TENM4: variants seen among roughly 807,000 people sequenced by gnomAD.
TENM4 encodes teneurin transmembrane protein 4.
In TENM4, 82 loss-of-function variants were observed where a neutral mutation model predicts 243.3. The observed-to-expected ratio is 0.34, with a 90% CI of 0.28 to 0.40. TENM4 has a LOEUF of 0.40. Ranked by LOEUF, TENM4 falls within the 10% of genes least tolerant of loss-of-function variation. The pLI, the probability that TENM4 is intolerant of heterozygous loss-of-function variation, is 1.00. For missense variants in TENM4, 3,138 were observed against 3,673.3 expected, an observed-to-expected ratio of 0.85 and a Z score of 3.77; for synonymous variants, 1,412 against 1,456.3, an observed-to-expected ratio of 0.97 and a Z score of 0.69.
intron 3 of TENM4, among the ~76,000 whole-genome samples, chr11:79,211,398 CCA>C (rs1863952320): frequency 6.6e-6 from 1 of 152,110 alleles, no homozygotes; most frequent in African/African-American, 2.4e-5. Context: ...CCTTTTATAC[CCA>C]CAGTTTTCAA....
intron 12 of TENM4, among the ~76,000 whole-genome samples, chr11:78,819,758 T>A (rs912365493): frequency 6.6e-6 from 1 of 152,220 alleles, no homozygotes; most frequent in African/African-American, 2.4e-5. Context: ...TTGTGATATG[T>A]CCAGGCTAAT....
chr11:78,756,565 A>T (rs1015681853), intron 19 of TENM4: 2 of 502,870 alleles, frequency 4.0e-6, no homozygotes, highest in Non-Finnish European at 7.2e-6. Context: ...CACTGTCTTC[A>T]TCTGTCACCC....
chr11:79,361,967 C>T (rs993056341), intron 1 of TENM4, among the ~76,000 whole-genome samples: 8 of 152,084 alleles, frequency 5.3e-5, no homozygotes, highest in African/African-American at 9.7e-5. Flanking sequence ...AAACTAGGCC[C>T]TGTGTGCCTC....
chr11:78,805,429 G>A lies in TENM4; in HGVS notation c.2042C>T (p.Ser681Phe). 1.2e-6 allele frequency: 2 copies of A among 1,602,316 alleles called. No homozygotes were observed. The highest frequency in any genetic ancestry group is 1.7e-6 in the Non-Finnish European group (2 of 1,174,482). Residue 681 changes from serine (S) to phenylalanine (F), a missense_variant, in exon 15 of 34, where the codon TCT (serine) becomes TTT (phenylalanine). Ser to Phe is a radical substitution (Grantham distance 155). Coordinates refer to ENST00000278550, the MANE Select transcript of TENM4 (RefSeq NM_001098816.3). ...GCAGTTGGTGCCTCCCCATCCCACA[G>A]AGCAGTGGCATTCGCCTCTCACGCA... ...GVCVRGECHC[S>F]VGWGGTNCET...
chr11:79,436,438 A>T (rs1335732928), intron 1 of TENM4, among the ~76,000 whole-genome samples: 2 of 152,220 alleles, frequency 1.3e-5, no homozygotes, highest in Non-Finnish European at 2.9e-5. Context: ...CAATTTGCCT[A>T]AGGCCACAGA....
intron 6 of TENM4, among the ~76,000 whole-genome samples, chr11:79,039,035 C>T (rs1859454042): frequency 6.6e-6 from 1 of 152,180 alleles, no homozygotes; most frequent in Non-Finnish European, 1.5e-5. Context: ...GGGCCTCAGG[C>T]ACTTGGTGGT....
chr11:79,314,434 C>T (rs1856771592), intron 1 of TENM4, among the ~76,000 whole-genome samples: 1 of 152,188 alleles, frequency 6.6e-6, no homozygotes, highest in Non-Finnish European at 1.5e-5. Context: ...TTGAGTCTTG[C>T]TGACCGGAAG....
At chr11:79,417,594 A>G (rs1053669836) in intron 1 of TENM4, among the ~76,000 whole-genome samples, 1 of 151,884 alleles carries the variant, frequency 6.6e-6, no homozygotes, top group East Asian at 1.9e-4. Context: ...CCCATGTCCA[A>G]AGAATTACAT....
chr11:79,347,015 C>T (rs1395612076), intron 1 of TENM4, among the ~76,000 whole-genome samples: 2 of 152,162 alleles, frequency 1.3e-5, no homozygotes, highest in African/African-American at 4.8e-5. Context: ...CAAGCTCTAT[C>T]CTGGGTTTCA....
chr11:79,347,285 G>A (rs942186760), intron 1 of TENM4, among the ~76,000 whole-genome samples: 3 of 152,134 alleles, frequency 2.0e-5, no homozygotes, highest in African/African-American at 7.2e-5. Flanking sequence ...CCACCACGGT[G>A]CCTTTACACT....
chr11:78,944,450 T>C (rs1220209072), intron 6 of TENM4, among the ~76,000 whole-genome samples: 1 of 152,196 alleles, frequency 6.6e-6, no homozygotes, highest in Non-Finnish European at 1.5e-5. Context: ...AACAACAAAT[T>C]GAAGTTTCTT....
intron 9 of TENM4, among the ~76,000 whole-genome samples, chr11:78,886,615 A>G (rs1240219580): frequency 6.6e-6 from 1 of 152,190 alleles, no homozygotes; most frequent in African/African-American, 2.4e-5. Context: ...TGACTTTCCC[A>G]AGGGTGAGCA....
chr11:79,285,071 C>A (rs1312959789), intron 2 of TENM4, among the ~76,000 whole-genome samples: 1 of 152,090 alleles, frequency 6.6e-6, no homozygotes, highest in East Asian at 1.9e-4. Flanking sequence ...AACCCCGTCT[C>A]TACTAAAAAT....
chr11:79,231,203 G>A (rs1053526787), intron 2 of TENM4, among the ~76,000 whole-genome samples: 1 of 152,146 alleles, frequency 6.6e-6, no homozygotes, highest in African/African-American at 2.4e-5. Context: ...TAAATATTTG[G>A]TGCAAATTGA....
chr11:79,368,869 C>T (rs1017575252), intron 1 of TENM4, among the ~76,000 whole-genome samples: 1 of 152,164 alleles, frequency 6.6e-6, no homozygotes, highest in Non-Finnish European at 1.5e-5. Context: ...AGCTGTCTCG[C>T]GGAGATGTGT....
intron 32 of TENM4, among the ~76,000 whole-genome samples, chr11:78,663,932 A>G (rs887390594): frequency 2.0e-5 from 3 of 152,082 alleles, no homozygotes; most frequent in Admixed American, 6.5e-5. Flanking sequence ...CGAGTGTGCA[A>G]CTTGGTGGTG....
chr11:78,947,110 A>G (rs1314117462), intron 6 of TENM4, among the ~76,000 whole-genome samples: 4 of 152,234 alleles, frequency 2.6e-5, no homozygotes, highest in Non-Finnish European at 5.9e-5. Flanking sequence ...TCCATTGTAC[A>G]GAGAAATCTT....
chr11:78,797,597 C>T (rs1298838307), intron 15 of TENM4, among the ~76,000 whole-genome samples: 1 of 152,224 alleles, frequency 6.6e-6, no homozygotes, highest in Non-Finnish European at 1.5e-5. Context: ...CAGTATTTAG[C>T]AGCATGCTTG....
intron 15 of TENM4, among the ~76,000 whole-genome samples, chr11:78,788,511 G>A (rs1047487105): frequency 3.9e-5 from 6 of 152,222 alleles, no homozygotes; most frequent in South Asian, 2.1e-4. Flanking sequence ...ACTGAGCTAC[G>A]GTTCCTGTCT....
Sources: gnomAD v4.1 joint callset for allele counts (sites outside exome capture counted in the v4.1 genomes callset) on GRCh38, gnomAD v4.1.1 for gene constraint, MANE v1.5 for transcripts, NCBI Gene and HGNC (gene_info 2026-07-23, HGNC 2026-07-21) for gene names.